GLRX3: variants seen among roughly 807,000 people sequenced by gnomAD.
GLRX3 encodes glutaredoxin 3.
A neutral mutation model predicts 49.5 loss-of-function variants in GLRX3; 22 were observed. That is an observed-to-expected ratio of 0.44 (90% CI 0.32 to 0.63). The LOEUF is 0.63. GLRX3 is among the 30% of genes least tolerant of loss of function. The pLI is 0.05. For missense variants in GLRX3, 385 were observed against 396.3 expected (o/e 0.97, Z 0.24); for synonymous variants, 133 against 140.0 (o/e 0.95, Z 0.35).
intron 10 of GLRX3, among the ~76,000 whole-genome samples, chr10:130,176,550 T>TCA (rs1373299815): frequency 1.3e-5 from 2 of 152,230 alleles, no homozygotes; most frequent in African/African-American, 4.8e-5. Context: ...AGGCTCTTTT[T>TCA]GTCCTTTGGT....
intron 7 of GLRX3, among the ~76,000 whole-genome samples, chr10:130,170,313 G>A (rs894231395): frequency 1.1e-4 from 17 of 152,072 alleles, no homozygotes; most frequent in South Asian, 2.1e-4. Context: ...AAGATGCACC[G>A]GGCAAGTGAC....
chr10:130,173,162 C>T (rs966077202), intron 8 of GLRX3, among the ~76,000 whole-genome samples: 1 of 152,208 alleles, frequency 6.6e-6, no homozygotes, highest in Non-Finnish European at 1.5e-5. Context: ...CCATCCCTCT[C>T]TAGCAGTACC....
At chr10:130,150,185 A>C (rs1862346377) in intron 2 of GLRX3, among the ~76,000 whole-genome samples, 1 of 149,714 alleles carries the variant, frequency 6.7e-6, no homozygotes, top group Non-Finnish European at 1.5e-5. Flanking sequence ...GGTTGCAGTG[A>C]GTTGAGACCA....
Position 130,179,440 on chromosome 10 carries a change from A to T in GLRX3, c.*48A>T. The T allele has an allele frequency of 1.0e-6, 1 of 1,004,396 alleles. No homozygotes were observed. Among genetic ancestry groups the T allele is most frequent in the Non-Finnish European group, 1.6e-6 (1 of 645,150 alleles). 62.2% of individuals were successfully genotyped at this position (1,004,396 alleles called of 1,614,324 possible). A position where few individuals can be genotyped will look rare whatever the true frequency, so the allele number is the denominator to read the frequency against. ...ACTATTGTAAGAAATATTTAATTACATTGGGAGCAGTTCATGATTTAGTCC... is the reference window on the plus strand; with the variant it reads ...ACTATTGTAAGAAATATTTAATTACTTTGGGAGCAGTTCATGATTTAGTCC... On this transcript the variant is annotated 3_prime_UTR_variant, in exon 11 of 11. Coordinates refer to ENST00000331244, the MANE Select transcript of GLRX3 (RefSeq NM_006541.5).
At chr10:130,142,061 A>G (rs980276067) in intron 1 of GLRX3, among the ~76,000 whole-genome samples, 9 of 152,122 alleles carry the variant, frequency 5.9e-5, no homozygotes, top group African/African-American at 2.2e-4. Context: ...GGCCCCACCT[A>G]CTCAACCATT....
chr10:130,150,877 A>G (rs897071589), intron 2 of GLRX3, among the ~76,000 whole-genome samples: 2 of 151,664 alleles, frequency 1.3e-5, no homozygotes, highest in Non-Finnish European at 2.9e-5. Flanking sequence ...GTTGGATTTC[A>G]TTCTACAGGA....
intron 1 of GLRX3, among the ~76,000 whole-genome samples, chr10:130,138,847 G>GTGT (rs1862116957): frequency 1.1e-5 from 1 of 95,032 alleles, no homozygotes; most frequent in African/African-American, 4.3e-5. Flanking sequence ...GAATAAAAGT[G>GTGT]TTTTTTTTTT....
chr10:130,148,026 AAGG>A (rs765622117), intron 2 of GLRX3, among the ~76,000 whole-genome samples: 1 of 152,206 alleles, frequency 6.6e-6, no homozygotes, highest in Non-Finnish European at 1.5e-5. Flanking sequence ...TCTCAAAAAA[AAGG>A]AGGAATGTAG....
intron 2 of GLRX3, among the ~76,000 whole-genome samples, chr10:130,157,111 A>G (rs1862485354): frequency 6.6e-6 from 1 of 152,150 alleles, no homozygotes. Context: ...ACTAACTAAT[A>G]GGATAGGTAC....
rs144212168 is a variant in GLRX3, at chr10:130,172,358, T to C, written c.824+722T>C. Among the ~76,000 whole-genome samples, 487 of 152,322 alleles carry C rather than the reference T, an allele frequency of 3.2e-3. 2 individuals are homozygous for C. The highest frequency in any genetic ancestry group is 0.011 in the African/African-American group (459 of 41,574). ...GATCTGAGAGGTAGCACAAGTTAAA[T>C]TGCAGTGCTCCTAGTTTTGATGTGC... On this transcript the variant is annotated intron_variant, in intron 8 of 10. Coordinates refer to ENST00000331244, the MANE Select transcript of GLRX3 (RefSeq NM_006541.5).
At chr10:130,173,087 C>T (rs1233084908) in intron 8 of GLRX3, among the ~76,000 whole-genome samples, 1 of 152,166 alleles carries the variant, frequency 6.6e-6, no homozygotes, top group African/African-American at 2.4e-5. Flanking sequence ...TGTTTTTGGT[C>T]ATTTTTGATT....
chr10:130,172,743 A>C (rs1235299460), intron 8 of GLRX3, among the ~76,000 whole-genome samples: 1 of 152,150 alleles, frequency 6.6e-6, no homozygotes, highest in African/African-American at 2.4e-5. Context: ...GGAGTTCGAG[A>C]CCAGCTTGGC....
At chr10:130,172,716 T>C (rs1449214081) in intron 8 of GLRX3, among the ~76,000 whole-genome samples, 1 of 151,830 alleles carries the variant, frequency 6.6e-6, no homozygotes, top group Non-Finnish European at 1.5e-5. Flanking sequence ...CTGAGGTGAG[T>C]GGATCACTTG....
At chr10:130,155,620 G>A (rs1862457300) in intron 2 of GLRX3, among the ~76,000 whole-genome samples, 1 of 152,202 alleles carries the variant, frequency 6.6e-6, no homozygotes, top group Non-Finnish European at 1.5e-5. Context: ...TGTGGGAGGA[G>A]CAGGTTTAGT....
intron 10 of GLRX3, among the ~76,000 whole-genome samples, chr10:130,178,744 C>G (rs1862969034): frequency 6.6e-6 from 1 of 152,078 alleles, no homozygotes; most frequent in Non-Finnish European, 1.5e-5. Context: ...TCGCTCTAGC[C>G]CAGGCTGGAG....
intron 7 of GLRX3, among the ~76,000 whole-genome samples, chr10:130,171,149 T>TAAAA (rs896638116): frequency 3.3e-5 from 5 of 150,914 alleles, no homozygotes; most frequent in Admixed American, 6.6e-5. Flanking sequence ...AATAAATAAA[T>TAAAA]AAAATAAAAA....
chr10:130,142,898 G>A (rs1282793835), intron 1 of GLRX3, among the ~76,000 whole-genome samples: 1 of 152,104 alleles, frequency 6.6e-6, no homozygotes, highest in African/African-American at 2.4e-5. Flanking sequence ...ATGTTGATAA[G>A]CCCCCTGAGG....
intron 1 of GLRX3, among the ~76,000 whole-genome samples, chr10:130,138,868 T>TTG (rs1554954458): frequency 8.8e-4 from 127 of 143,984 alleles, no homozygotes; most frequent in Non-Finnish European, 1.5e-3. Flanking sequence ...TTTTTTTTTT[T>TTG]GGGGGGGAGA....
intron 2 of GLRX3, among the ~76,000 whole-genome samples, chr10:130,155,395 G>C (rs1862453747): frequency 6.6e-6 from 1 of 152,214 alleles, no homozygotes; most frequent in Admixed American, 6.5e-5. Flanking sequence ...TTTGAAGCGG[G>C]AAGGGTGCAG....
Sources: gnomAD v4.1 joint callset for allele counts (sites outside exome capture counted in the v4.1 genomes callset) on GRCh38, gnomAD v4.1.1 for gene constraint, MANE v1.5 for transcripts, NCBI Gene and HGNC (gene_info 2026-07-23, HGNC 2026-07-21) for gene names.